ANXA5: variants seen among roughly 807,000 people sequenced by gnomAD.
ANXA5 encodes CBP-I.
Under a neutral mutation model 48.1 loss-of-function variants are expected in ANXA5, and 40 were observed. The observed-to-expected ratio is 0.83, with a 90% confidence interval of 0.65 to 1.08. The LOEUF (loss-of-function observed/expected upper bound fraction) is 1.08. Among genes scored for constraint, ANXA5 ranks in the 50% least tolerant of loss-of-function variants. The pLI is 0.00. For synonymous variants in ANXA5, 113 were observed against 129.1 expected, an observed-to-expected ratio of 0.88 and a Z score of 0.85; for missense variants, 357 against 376.8, an observed-to-expected ratio of 0.95 and a Z score of 0.44.
chr4:121,674,102 AC>A (rs1228216296), intron 8 of ANXA5, among the ~76,000 whole-genome samples: 2 of 146,964 alleles, frequency 1.4e-5, no homozygotes, highest in Admixed American at 6.9e-5. Context: ...AATTGTTTGA[AC>A]CCAGGAGGCA....
At chr4:121,669,853 GA>G (rs1268426533) in intron 11 of ANXA5, 100 bp downstream of exon 11, 2 of 1,452,864 alleles carry the variant, frequency 1.4e-6, no homozygotes, top group Non-Finnish European at 1.9e-6. Context: ...TGTTATAAGG[GA>G]AAAATTCCCA....
chr4:121,690,873 G>A (rs901187163), intron 2 of ANXA5, among the ~76,000 whole-genome samples: 1 of 152,220 alleles, frequency 6.6e-6, no homozygotes, highest in Non-Finnish European at 1.5e-5. Context: ...ATCCACTAAG[G>A]ATAGCAAAGC....
intron 11 of ANXA5, 87 bp downstream of exon 11, chr4:121,669,867 G>C: frequency 6.9e-7 from 1 of 1,445,864 alleles, no homozygotes; most frequent in South Asian, 1.2e-5. Flanking sequence ...AATTCCCAAG[G>C]TCTATCATCT....
intron 2 of ANXA5, among the ~76,000 whole-genome samples, chr4:121,691,997 A>G (rs1724994154): frequency 6.6e-6 from 1 of 152,208 alleles, no homozygotes; most frequent in African/African-American, 2.4e-5. Flanking sequence ...TCAACCCCCA[A>G]TCCTAACCCT....
intron 3 of ANXA5, among the ~76,000 whole-genome samples, chr4:121,685,061 C>CAT (rs1236738367): frequency 1.2e-4 from 17 of 147,012 alleles, no homozygotes; most frequent in Admixed American, 4.8e-4. Flanking sequence ...TACACACACA[C>CAT]ATATATATAT....
At chr4:121,695,236 G>T (rs993633644) in intron 2 of ANXA5, among the ~76,000 whole-genome samples, 1 of 152,182 alleles carries the variant, frequency 6.6e-6, no homozygotes. Flanking sequence ...CTTTCCACTT[G>T]AAGTAATATG....
intron 2 of ANXA5, among the ~76,000 whole-genome samples, chr4:121,687,156 C>T (rs1163573745): frequency 2.0e-5 from 3 of 151,762 alleles, no homozygotes; most frequent in African/African-American, 4.8e-5. Flanking sequence ...AAAAATTAAC[C>T]GGGTGTGGTG....
At chr4:121,678,368 C>A in intron 7 of ANXA5, 47 bp downstream of exon 7, 1 of 1,517,276 alleles carries the variant, frequency 6.6e-7, no homozygotes, top group Non-Finnish European at 9.1e-7. Flanking sequence ...CAGCCCAGTC[C>A]AACTTCAGGC....
At chr4:121,676,343 G>A (rs889394938) in intron 8 of ANXA5, among the ~76,000 whole-genome samples, 5 of 152,158 alleles carry the variant, frequency 3.3e-5, no homozygotes, top group African/African-American at 9.7e-5. Flanking sequence ...ATCTTACAGT[G>A]AAATATTCTT....
intron 8 of ANXA5, among the ~76,000 whole-genome samples, chr4:121,676,487 C>A (rs999912764): frequency 2.6e-5 from 4 of 152,122 alleles, no homozygotes; most frequent in Non-Finnish European, 5.9e-5. Flanking sequence ...GTTTCTTTAT[C>A]CATAAAAGGG....
intron 2 of ANXA5, among the ~76,000 whole-genome samples, chr4:121,694,473 C>T (rs1403885545): frequency 6.6e-6 from 1 of 152,104 alleles, no homozygotes; most frequent in African/African-American, 2.4e-5. Flanking sequence ...CAACCTCCGC[C>T]TCCCGGGTTC....
chr4:121,677,780 T>C (rs1171615386), intron 8 of ANXA5, 114 bp downstream of exon 8: 1 of 928,494 alleles, frequency 1.1e-6, no homozygotes. Flanking sequence ...AAATAACCCA[T>C]TAACAAGATT....
intron 8 of ANXA5, among the ~76,000 whole-genome samples, chr4:121,674,159 C>A (rs2110480619): frequency 7.5e-6 from 1 of 133,418 alleles, no homozygotes; most frequent in East Asian, 2.4e-4. Flanking sequence ...CCAGCCTGGG[C>A]ACGAAGGAAA....
In ANXA5 at chr4:121,673,955, G is replaced by A. The variant is rs111654853; in HGVS notation, c.532-1329C>T. 1.8e-3 allele frequency among the ~76,000 whole-genome samples: 275 copies of A among 152,040 alleles called. 1 individual carries two copies. The highest frequency in any genetic ancestry group is 6.3e-3 in the African/African-American group (262 of 41,438). On this transcript the variant is annotated intron_variant, in intron 8 of 12. Coordinates refer to ENST00000296511, the MANE Select transcript of ANXA5 (RefSeq NM_001154.4). ...CCAGCATTTTGGGACGCTGAGGCAG[G>A]TGGATCGCTTGAGCCCAGGAGTTCA...
chr4:121,677,555 G>A (rs1311030898), intron 8 of ANXA5, among the ~76,000 whole-genome samples: 1 of 151,996 alleles, frequency 6.6e-6, no homozygotes, highest in Non-Finnish European at 1.5e-5. Context: ...ATCTTCTCCT[G>A]CTAAGAGACC....
At position 121,668,270 on chromosome 4, in the gene ANXA5, A is replaced by G; in HGVS notation, c.*198T>C. 1 of 542,590 alleles carries G rather than the reference A, an allele frequency of 1.8e-6. No individual in the cohort carries two copies. 33.6% of individuals were successfully genotyped at this position (542,590 alleles called of 1,614,324 possible). ...AACATTAAGTACACTTTAGTACTAC[A>G]GCAGTCAAAGAGATCTCCACTAGAG... is the stretch of plus-strand genomic sequence containing the variant. On this transcript the variant is annotated 3_prime_UTR_variant, in exon 13 of 13. Coordinates refer to ENST00000296511, the MANE Select transcript of ANXA5 (RefSeq NM_001154.4).
chr4:121,683,419 G>T lies in ANXA5; in HGVS notation c.248C>A (p.Ala83Asp). The change falls in exon 5 of 13, where the codon GCT (alanine) becomes GAT (aspartate). Residue 83 changes from alanine (A) to aspartate (D), a missense_variant. By Grantham distance (126) the Ala-to-Asp change is moderately radical. Coordinates refer to ENST00000296511, the MANE Select transcript of ANXA5 (RefSeq NM_001154.4). ...LTGKFEKLIV[A>D]LMKPSRLYDA... Reference sequence around the variant, plus strand: ...ATAAAGCCGAGAGGGTTTCATCAGAGCCACAATTAATTTTTCAAATTTTCC... The same window carrying T: ...ATAAAGCCGAGAGGGTTTCATCAGATCCACAATTAATTTTTCAAATTTTCC... 6.2e-7 allele frequency: 1 copy of T among 1,611,202 alleles called. No individual in the cohort carries two copies. Among genetic ancestry groups the T allele is most frequent in the Non-Finnish European group, 8.5e-7 (1 of 1,178,404 alleles).
intron 2 of ANXA5, among the ~76,000 whole-genome samples, chr4:121,692,100 C>G (rs896517209): frequency 6.6e-6 from 1 of 152,088 alleles, no homozygotes; most frequent in African/African-American, 2.4e-5. Flanking sequence ...ATTTCCTTTC[C>G]TTTTCATGCT....
rs767436811 is a variant in ANXA5, at chr4:121,686,312, G to C, written c.70C>G (p.Leu24Val). 3 of 1,614,074 alleles carry C rather than the reference G, an allele frequency of 1.9e-6. No homozygotes were observed. In the South Asian group the frequency reaches 3.3e-5, roughly 18 times the overall value. The change falls in exon 3 of 13, where the codon CTT (leucine) becomes GTT (valine). Residue 24 changes from leucine (L) to valine (V), a missense_variant. Coordinates refer to ENST00000296511, the MANE Select transcript of ANXA5 (RefSeq NM_001154.4). ...CCCAAGCCTTTCATAGCCTTCCGAA[G>C]AGTTTCTGCATCAGCCCGCTCATCA... ...GFDERADAET[L>V]RKAMKGLGTD...
Sources: gnomAD v4.1 joint callset for allele counts (sites outside exome capture counted in the v4.1 genomes callset) on GRCh38, gnomAD v4.1.1 for gene constraint, MANE v1.5 for transcripts, NCBI Gene and HGNC (gene_info 2026-07-23, HGNC 2026-07-21) for gene names.